The following RANBP1 variants were observed in gnomAD, a reference collection of about 807,000 sequenced individuals.
The protein encoded by RANBP1 is ran-specific GTPase-activating protein.
Under a neutral mutation model 31.4 loss-of-function variants are expected in RANBP1, and 16 were observed. The observed-to-expected ratio is 0.51, with a 90% CI of 0.34 to 0.77. The LOEUF is 0.77. Ranked by LOEUF, RANBP1 falls within the 30% of genes least tolerant of loss-of-function variation. The pLI is 0.01. For synonymous variants in RANBP1, 129 were observed against 140.5 expected (o/e 0.92, Z 0.58); for missense variants, 265 against 362.0 (o/e 0.73, Z 2.17).
intron 1 of RANBP1, chr22:20,118,215 T>TG: frequency 1.0e-6 from 1 of 1,002,472 alleles, no homozygotes; most frequent in Non-Finnish European, 1.2e-6. Flanking sequence ...CGCAGTGCTG[T>TG]GGGGAACAGT....
At chr22:20,117,192 C>T (rs561211958) in intron 1 of RANBP1, 378 of 544,760 alleles carry the variant, frequency 6.9e-4, no homozygotes, top group East Asian at 1.2e-3. Context: ...ACTCTTAGTC[C>T]GCCAGCGCGT....
intron 1 of RANBP1, chr22:20,116,874 G>A (rs1444974822): frequency 7.7e-7 from 1 of 1,293,738 alleles, no homozygotes; most frequent in African/African-American, 1.8e-5. Flanking sequence ...GCGTCTCCCC[G>A]CACTCTACCT....
chr22:20,116,720 A>G (rs2147968199), intron 1 of RANBP1: 1 of 1,427,582 alleles, frequency 7.0e-7, no homozygotes, highest in East Asian at 2.5e-5. Context: ...CTCTGCACTC[A>G]GCCCTGCCCC....
chr22:20,120,882 G>A (rs2050156272), intron 2 of RANBP1, among the ~76,000 whole-genome samples: 1 of 152,188 alleles, frequency 6.6e-6, no homozygotes, highest in Non-Finnish European at 1.5e-5. Context: ...GTGCTTCCTG[G>A]TGGTGTCGTG....
In RANBP1 at chr22:20,127,145, CA is replaced by C; in HGVS notation, c.*94del. 1 of 1,048,226 alleles carries C rather than the reference CA, an allele frequency of 9.5e-7. No individual in the cohort carries two copies. The highest frequency in any genetic ancestry group is 1.3e-6 in the Non-Finnish European group (1 of 748,208). 64.9% of individuals were successfully genotyped at this position (1,048,226 alleles called of 1,614,324 possible). On this transcript the variant is annotated 3_prime_UTR_variant, in exon 6 of 6. Transcript: ENST00000430524. ...CTTTTTCGGTTTGTTTTTATTCTTT[CA>C]TTTTTACAAGGGACGTTATATAAAG...
chr22:20,127,112 C>T lies in RANBP1; in HGVS notation c.*60C>T. On this transcript the variant is annotated 3_prime_UTR_variant, in exon 6 of 6. Transcript: ENST00000430524. ...TTTCCTTTTTTTAAAAAATTTTACCCTGCCCCTCTTTTTCGGTTTGTTTTT... is the reference window on the plus strand; with the variant it reads ...TTTCCTTTTTTTAAAAAATTTTACCTTGCCCCTCTTTTTCGGTTTGTTTTT... 2.1e-6 allele frequency: 3 copies of T among 1,416,394 alleles called. No homozygotes were observed. The highest frequency in any genetic ancestry group is 2.6e-5 in the South Asian group (2 of 75,530). The allele number at this position is 1,416,394 out of a possible 1,614,324, so 87.7% of individuals were successfully genotyped here.
At chr22:20,118,875 T>C in intron 1 of RANBP1, 138 bp from the exon 2 acceptor site, 1 of 810,330 alleles carries the variant, frequency 1.2e-6, no homozygotes, top group South Asian at 1.8e-5. Flanking sequence ...GGGCCTAATT[T>C]CTTGCTTTGG....
At chr22:20,116,638 G>A (rs1568976027) in intron 1 of RANBP1, 2 of 1,521,900 alleles carry the variant, frequency 1.3e-6, no homozygotes, top group East Asian at 2.3e-5. Flanking sequence ...TGGGGTGCTA[G>A]GGTGAGGACT....
chr22:20,116,822 G>GT, intron 1 of RANBP1: 5 of 1,408,396 alleles, frequency 3.6e-6, no homozygotes, highest in Non-Finnish European at 3.9e-6. Flanking sequence ...CAGGTTTCCT[G>GT]ACCCACCCCG....
At chr22:20,120,914 C>A (rs1380888369) in intron 2 of RANBP1, among the ~76,000 whole-genome samples, 1 of 152,234 alleles carries the variant, frequency 6.6e-6, no homozygotes, top group Non-Finnish European at 1.5e-5. Context: ...TGGCCTGCAC[C>A]TGATCCATGT....
intron 1 of RANBP1, chr22:20,117,377 G>C: frequency 1.6e-6 from 2 of 1,212,922 alleles, no homozygotes; most frequent in Non-Finnish European, 2.1e-6. Context: ...GGCCGGGCAT[G>C]CGCCGCGGGC....
intron 2 of RANBP1, among the ~76,000 whole-genome samples, chr22:20,119,953 A>G (rs2050139296): frequency 6.6e-6 from 1 of 152,252 alleles, no homozygotes; most frequent in South Asian, 2.1e-4. Flanking sequence ...GGTGGGTACC[A>G]GCCTTGTGTC....
rs371028335 is a variant in RANBP1 at position 20,116,126 on chromosome 22, C to G, written c.-59C>G. 4.3e-6 allele frequency: 7 copies of G among 1,612,668 alleles called. No individual in the cohort carries two copies. The highest frequency in any genetic ancestry group is 5.9e-6 in the Non-Finnish European group (7 of 1,179,562). On this transcript the variant is annotated 5_prime_UTR_variant, in exon 1 of 6. Transcript: ENST00000430524. ...GGCACTGTCCATAGAGGGGTCACCA[C>G]GTCGGCCACTCGTGTTACTGGTGGC...
chr22:20,126,529 T>G, intron 5 of RANBP1, 161 bp downstream of exon 5: 1 of 1,580,482 alleles, frequency 6.3e-7, no homozygotes, highest in South Asian at 1.1e-5. Flanking sequence ...ACACAGGTGC[T>G]TCCTGGGGAG....
intron 3 of RANBP1, 135 bp from the exon 4 acceptor site, chr22:20,125,173 C>A: frequency 1.0e-6 from 1 of 971,868 alleles, no homozygotes; most frequent in Non-Finnish European, 1.6e-6. Flanking sequence ...AAGCCTGGTT[C>A]TCCAACCCCA....
intron 3 of RANBP1, 76 bp from the exon 4 acceptor site, chr22:20,125,232 G>A (rs2050269427): frequency 6.4e-7 from 1 of 1,563,678 alleles, no homozygotes; most frequent in East Asian, 2.2e-5. Flanking sequence ...GGTGAGCAGG[G>A]TGCTCTGTGG....
intron 2 of RANBP1, among the ~76,000 whole-genome samples, chr22:20,120,725 T>G (rs1445001033): frequency 1.3e-5 from 2 of 152,200 alleles, no homozygotes; most frequent in African/African-American, 4.8e-5. Context: ...CCTGGGCCTC[T>G]TCTCTGGGTC....
intron 1 of RANBP1, among the ~76,000 whole-genome samples, chr22:20,118,493 G>A (rs2050099635): frequency 6.6e-6 from 1 of 152,206 alleles, no homozygotes; most frequent in Non-Finnish European, 1.5e-5. Flanking sequence ...TAGCAGTCCT[G>A]TAGCGACTTT....
intron 1 of RANBP1, chr22:20,116,705 G>T (rs1602525408): frequency 2.1e-6 from 3 of 1,459,598 alleles, no homozygotes; most frequent in Admixed American, 2.3e-5. Flanking sequence ...ACCTCCGTCG[G>T]TGCACTCTGC....
Sources: allele counts gnomAD v4.1 joint callset (sites outside exome capture counted in the v4.1 genomes callset), GRCh38; gene constraint gnomAD v4.1.1; transcripts MANE v1.5; gene names NCBI Gene and HGNC (gene_info 2026-07-23, HGNC 2026-07-21).